DNER: variants seen among roughly 807,000 people sequenced by gnomAD.
DNER encodes delta and Notch-like epidermal growth factor-related receptor.
In DNER, 33 loss-of-function variants were observed where a neutral mutation model predicts 78.2. The observed-to-expected ratio is 0.42, with a 90% CI of 0.32 to 0.56. The LOEUF (loss-of-function observed/expected upper bound fraction) is 0.56. Among genes scored for constraint, DNER ranks in the 20% least tolerant of loss-of-function variants. The pLI, the probability that DNER is intolerant of heterozygous loss-of-function variation, is 0.11. For synonymous variants in DNER, 417 were observed against 384.8 expected (o/e 1.08, Z -0.98); for missense variants, 918 against 975.3 (o/e 0.94, Z 0.78).
At chr2:229,557,743 A>T (rs1225061253) in intron 4 of DNER, among the ~76,000 whole-genome samples, 1 of 152,188 alleles carries the variant, frequency 6.6e-6, no homozygotes, top group Non-Finnish European at 1.5e-5. Context: ...AAAGAAAAAA[A>T]AAAAGGAAAT....
chr2:229,472,289 C>T (rs114528058), intron 7 of DNER, among the ~76,000 whole-genome samples: 3,585 of 152,230 alleles, frequency 0.024, 69 homozygotes, highest in Middle Eastern at 0.048. Flanking sequence ...ATATGTCTTC[C>T]GTAATAGGTA....
intron 6 of DNER, among the ~76,000 whole-genome samples, chr2:229,479,316 G>A (rs2154211392): frequency 6.6e-6 from 1 of 152,246 alleles, no homozygotes; most frequent in Non-Finnish European, 1.5e-5. Context: ...AAGGCACTAT[G>A]CATCACCATC....
chr2:229,682,026 T>C (rs897031989), intron 1 of DNER, among the ~76,000 whole-genome samples: 2 of 152,260 alleles, frequency 1.3e-5, no homozygotes, highest in African/African-American at 4.8e-5. Context: ...ATCAAATGAA[T>C]AGAAATCATT....
At chr2:229,587,809 C>T (rs1459438636) in intron 3 of DNER, among the ~76,000 whole-genome samples, 1 of 152,104 alleles carries the variant, frequency 6.6e-6, no homozygotes, top group African/African-American at 2.4e-5. Flanking sequence ...TATAAAGCAC[C>T]ACACATATCA....
chr2:229,500,195 A>C (rs1695588319), intron 6 of DNER, among the ~76,000 whole-genome samples: 1 of 152,236 alleles, frequency 6.6e-6, no homozygotes, highest in Non-Finnish European at 1.5e-5. Flanking sequence ...GGCCTCTCAC[A>C]GTGCCAGGAT....
In DNER at chr2:229,452,715, G is replaced by A. The variant is rs184194873; in HGVS notation, c.1262-5175C>T. ...ATGATCTCGGCTCACTGCAACCTCCGCCTCCTGGATTCAAGCATTCTCTTG... is the reference window on the plus strand; with the variant it reads ...ATGATCTCGGCTCACTGCAACCTCCACCTCCTGGATTCAAGCATTCTCTTG... On this transcript the variant is annotated intron_variant, in intron 7 of 12. Transcript: ENST00000341772. Among the ~76,000 whole-genome samples, 849 of 152,204 alleles carry A rather than the reference G, an allele frequency of 5.6e-3. 9 individuals are homozygous for A. Among genetic ancestry groups the A allele is most frequent in the African/African-American group, 0.02 (812 of 41,540 alleles).
intron 11 of DNER, among the ~76,000 whole-genome samples, chr2:229,368,275 A>C (rs904466181): frequency 2.0e-5 from 3 of 152,160 alleles, no homozygotes; most frequent in African/African-American, 7.2e-5. Flanking sequence ...AGGCTAGAGA[A>C]TCACTTGAAC....
intron 4 of DNER, among the ~76,000 whole-genome samples, chr2:229,583,463 G>A (rs1292662828): frequency 6.6e-6 from 1 of 152,138 alleles, no homozygotes; most frequent in Non-Finnish European, 1.5e-5. Context: ...TAGCTGTACG[G>A]GTGCTTGAAA....
intron 5 of DNER, among the ~76,000 whole-genome samples, chr2:229,516,826 G>A (rs954545901): frequency 8.1e-6 from 1 of 124,202 alleles, no homozygotes; most frequent in Non-Finnish European, 1.9e-5. Context: ...AAAAGAAAAA[G>A]GCCGGGCACG....
intron 5 of DNER, 115 bp downstream of exon 5, chr2:229,546,832 G>A: frequency 7.2e-7 from 1 of 1,397,672 alleles, no homozygotes; most frequent in South Asian, 1.3e-5. Flanking sequence ...CAGACAGACA[G>A]ATAGATAGAT....
At chr2:229,377,699 G>A (rs556646581) in intron 11 of DNER, among the ~76,000 whole-genome samples, 6 of 152,102 alleles carry the variant, frequency 3.9e-5, no homozygotes, top group South Asian at 2.1e-4. Flanking sequence ...ACTGACTGGC[G>A]GCCAGATAAT....
chr2:229,528,325 G>A (rs578102566), intron 5 of DNER, among the ~76,000 whole-genome samples: 5 of 152,264 alleles, frequency 3.3e-5, no homozygotes, highest in South Asian at 2.1e-4. Flanking sequence ...TGTGGTTTGC[G>A]CATCACATGT....
intron 12 of DNER, among the ~76,000 whole-genome samples, chr2:229,365,296 C>CAGG (rs565096053): frequency 1.0e-3 from 155 of 152,246 alleles, no homozygotes; most frequent in African/African-American, 3.3e-3. Context: ...GTCACAGAGA[C>CAGG]AGTACCCAGG....
At chr2:229,647,100 G>C (rs1698732687) in intron 1 of DNER, among the ~76,000 whole-genome samples, 1 of 152,208 alleles carries the variant, frequency 6.6e-6, no homozygotes, top group Non-Finnish European at 1.5e-5. Context: ...CCAGGAGGAG[G>C]AGGTTGCAGT....
rs199530356 is a variant in DNER at position 229,516,883 on chromosome 2, G to A, written c.994-3947C>T. 3.6e-4 allele frequency among the ~76,000 whole-genome samples: 55 copies of A among 151,404 alleles called. No homozygotes were observed. The East Asian group carries it at 6.4e-3, about 18-fold the overall frequency. ...AGCATTTTGGGAGGCCGAGGTGGGC[G>A]GATCACAAGGTCAAGAGATCGAGAC... On this transcript the variant is annotated intron_variant, in intron 5 of 12. Coordinates refer to ENST00000341772, the MANE Select transcript of DNER (RefSeq NM_139072.4).
rs116542674 is a variant in DNER, at chr2:229,588,606, G to A, written c.586-118C>T. 3.3e-3 allele frequency: 2,488 copies of A among 759,824 alleles called. 9 individuals are homozygous for A. Among genetic ancestry groups the A allele is most frequent in the Non-Finnish European group, 4.7e-3 (2,172 of 464,158 alleles). 47.1% of individuals were successfully genotyped at this position (759,824 alleles called of 1,614,324 possible). On this transcript the variant is annotated intron_variant, in intron 2 of 12. Transcript: ENST00000341772. ...TCCCTTTTGATGATGCGGGGGTAGG[G>A]CTAGAGAGGAGATGAAGAAGTGAAG...
At chr2:229,623,037 T>A (rs768860158) in intron 1 of DNER, among the ~76,000 whole-genome samples, 4 of 152,284 alleles carry the variant, frequency 2.6e-5, no homozygotes, top group South Asian at 2.1e-4. Context: ...CACCTGCTCA[T>A]CCTTACTCCT....
At position 229,533,068 on chromosome 2, in the gene DNER, G is replaced by A. The variant is rs148658476; in HGVS notation, c.993+13879C>T. Among the ~76,000 whole-genome samples, 98 of 152,298 alleles carry A rather than the reference G, an allele frequency of 6.4e-4. 1 individual carries two copies. The highest frequency in any genetic ancestry group is 2.2e-3 in the African/African-American group (90 of 41,566). On this transcript the variant is annotated intron_variant, in intron 5 of 12. Coordinates refer to ENST00000341772, the MANE Select transcript of DNER (RefSeq NM_139072.4). ...GGAAGCCATTCAAAGAATCACCACA[G>A]ATGAGAGACTACAATGTGGGTTTTC...
chr2:229,460,900 G>A (rs1259295925), intron 7 of DNER, among the ~76,000 whole-genome samples: 1 of 152,094 alleles, frequency 6.6e-6, no homozygotes, highest in African/African-American at 2.4e-5. Flanking sequence ...ACCTGTGTAA[G>A]TGATCCCAAA....
Sources: allele counts gnomAD v4.1 joint callset (sites outside exome capture counted in the v4.1 genomes callset), GRCh38; gene constraint gnomAD v4.1.1; transcripts MANE v1.5; gene names NCBI Gene and HGNC (gene_info 2026-07-23, HGNC 2026-07-21).